TAFA5: variants seen among roughly 807,000 people sequenced by gnomAD.
The protein encoded by TAFA5 is chemokine-like protein TAFA-5.
TAFA5 carries 6 observed loss-of-function variants against 15.3 expected under a neutral mutation model. The ratio of observed to expected loss-of-function variants is 0.39; its 90% confidence interval spans 0.21 to 0.77. TAFA5 has a LOEUF of 0.77. TAFA5 is among the 30% of genes least tolerant of loss of function. TAFA5 has a pLI of 0.41. For missense variants in TAFA5, 161 were observed against 193.1 expected (o/e 0.83, Z 0.98); for synonymous variants, 103 against 80.7 (o/e 1.28, Z -1.48).
chr22:48,694,077 C>T, intron 2 of TAFA5, among the ~76,000 whole-genome samples: 1 of 152,230 alleles, frequency 6.6e-6, no homozygotes, highest in East Asian at 1.9e-4. Flanking sequence ...ATCCATGTTC[C>T]AGCATCACCG....
At chr22:48,544,546 T>A in intron 1 of TAFA5, 1 of 388,976 alleles carries the variant, frequency 2.6e-6, no homozygotes, top group Non-Finnish European at 5.3e-6. Context: ...ACCAGGAGGG[T>A]GCAACGGCGC....
intron 1 of TAFA5, among the ~76,000 whole-genome samples, chr22:48,612,780 G>A (rs1363399837): frequency 6.6e-6 from 1 of 152,136 alleles, no homozygotes; most frequent in African/African-American, 2.4e-5. Context: ...CTCTCCTGAT[G>A]TGCCCAGGGC....
At chr22:48,606,283 C>A (rs1164129324) in intron 1 of TAFA5, among the ~76,000 whole-genome samples, 1 of 152,230 alleles carries the variant, frequency 6.6e-6, no homozygotes, top group African/African-American at 2.4e-5. Context: ...TCGAGAATCG[C>A]AGTGGCGAAC....
In TAFA5 at chr22:48,750,777, A is replaced by G. The variant is rs1242381280; in HGVS notation, c.*930A>G. ...TCCAGAAAGCAAAGAAAACTCGAGTAACACTTGTTTGAAAGAGATCATTAA... is the reference window on the plus strand; with the variant it reads ...TCCAGAAAGCAAAGAAAACTCGAGTGACACTTGTTTGAAAGAGATCATTAA... On this transcript the variant is annotated 3_prime_UTR_variant, in exon 4 of 4. Coordinates refer to ENST00000402357, the MANE Select transcript of TAFA5 (RefSeq NM_001082967.3). 1 of 152,788 alleles carries G rather than the reference A, an allele frequency of 6.5e-6. No homozygotes were observed. Among genetic ancestry groups the G allele is most frequent in the Admixed American group, 6.5e-5 (1 of 15,294 alleles). 9.5% of individuals were successfully genotyped at this position (152,788 alleles called of 1,614,324 possible). A position where few individuals can be genotyped will look rare whatever the true frequency, so the allele number is the denominator to read the frequency against.
At chr22:48,674,684 A>G (rs1204484581) in intron 2 of TAFA5, among the ~76,000 whole-genome samples, 1 of 149,722 alleles carries the variant, frequency 6.7e-6, no homozygotes, top group Non-Finnish European at 1.5e-5. Flanking sequence ...CACACCCCCC[A>G]CAGAAGGAGC....
chr22:48,645,592 C>T (rs957353438), intron 1 of TAFA5, among the ~76,000 whole-genome samples: 3 of 151,972 alleles, frequency 2.0e-5, no homozygotes, highest in Non-Finnish European at 2.9e-5. Flanking sequence ...CCCCGGGGTC[C>T]TTCCTGCTTC....
intron 3 of TAFA5, among the ~76,000 whole-genome samples, chr22:48,719,659 C>G (rs1929510094): frequency 6.6e-6 from 1 of 152,202 alleles, no homozygotes; most frequent in African/African-American, 2.4e-5. Context: ...GGTACTTGGC[C>G]AGAAGTGGCC....
At chr22:48,556,171 A>G (rs1316797574) in intron 1 of TAFA5, among the ~76,000 whole-genome samples, 2 of 152,154 alleles carry the variant, frequency 1.3e-5, no homozygotes, top group Non-Finnish European at 2.9e-5. Flanking sequence ...TCACAGGCAG[A>G]GGAGAAGAAT....
At chr22:48,606,231 G>A (rs1202806900) in intron 1 of TAFA5, among the ~76,000 whole-genome samples, 1 of 152,150 alleles carries the variant, frequency 6.6e-6, no homozygotes, top group Non-Finnish European at 1.5e-5. Context: ...TTGTCCTGGG[G>A]CACAAGGAGA....
chr22:48,677,473 C>G (rs917404407), intron 2 of TAFA5, among the ~76,000 whole-genome samples: 1 of 152,222 alleles, frequency 6.6e-6, no homozygotes, highest in Admixed American at 6.5e-5. Context: ...AGGGACTGCT[C>G]CCCGGCAAGT....
At chr22:48,629,629 T>G (rs2147188070) in intron 1 of TAFA5, among the ~76,000 whole-genome samples, 1 of 152,212 alleles carries the variant, frequency 6.6e-6, no homozygotes, top group South Asian at 2.1e-4. Context: ...CTAGAGATGG[T>G]TTTGCCCCTC....
chr22:48,532,888 C>T (rs754931050), intron 1 of TAFA5, among the ~76,000 whole-genome samples: 72 of 152,224 alleles, frequency 4.7e-4, no homozygotes, highest in Non-Finnish European at 8.7e-4. Flanking sequence ...GTCTTTGCAA[C>T]AGGGAGATCA....
chr22:48,733,775 C>T (rs965508655), intron 3 of TAFA5, among the ~76,000 whole-genome samples: 2 of 152,196 alleles, frequency 1.3e-5, no homozygotes, highest in African/African-American at 2.4e-5. Context: ...TGTGTTCATT[C>T]GCACATTGTC....
At chr22:48,582,781 A>G (rs1301914474) in intron 1 of TAFA5, among the ~76,000 whole-genome samples, 1 of 149,482 alleles carries the variant, frequency 6.7e-6, no homozygotes, top group Non-Finnish European at 1.5e-5. Flanking sequence ...CACCACACAC[A>G]CCACACACAA....
chr22:48,624,637 C>T (rs529352030), intron 1 of TAFA5, among the ~76,000 whole-genome samples: 4 of 152,308 alleles, frequency 2.6e-5, no homozygotes, highest in East Asian at 3.9e-4. Flanking sequence ...CCCTGGCACT[C>T]GTGGGCTCCG....
At chr22:48,609,554 G>A (rs1052943004) in intron 1 of TAFA5, among the ~76,000 whole-genome samples, 4 of 152,196 alleles carry the variant, frequency 2.6e-5, no homozygotes, top group African/African-American at 9.7e-5. Context: ...GTCCACTTCT[G>A]CTCACGCACA....
At chr22:48,559,120 A>G (rs1923139910) in intron 1 of TAFA5, among the ~76,000 whole-genome samples, 1 of 152,112 alleles carries the variant, frequency 6.6e-6, no homozygotes, top group Non-Finnish European at 1.5e-5. Context: ...CCAAGGAGGG[A>G]GCCCATACCA....
At chr22:48,724,140 T>C (rs13056734) in intron 3 of TAFA5, among the ~76,000 whole-genome samples, 34,795 of 144,124 alleles carry the variant, frequency 0.24, 4,231 homozygotes, top group Admixed American at 0.34. Flanking sequence ...AGGAGAGACT[T>C]GGGGTTCTCG....
chr22:48,731,650 TCTGTGTATGGCATGGTTGA>T (rs1929872068), intron 3 of TAFA5, among the ~76,000 whole-genome samples: 1 of 152,176 alleles, frequency 6.6e-6, no homozygotes, highest in Non-Finnish European at 1.5e-5. Flanking sequence ...TGGCAGCACA[TCTGTGTATGGCATGGTTGA>T]CTGAATCCTT....
Sources: allele counts gnomAD v4.1 joint callset (sites outside exome capture counted in the v4.1 genomes callset), GRCh38; gene constraint gnomAD v4.1.1; transcripts MANE v1.5; gene names NCBI Gene and HGNC (gene_info 2026-07-23, HGNC 2026-07-21).